The following ASXL2 variants were observed in gnomAD, a reference collection of about 807,000 sequenced individuals.
The protein encoded by ASXL2 is putative Polycomb group protein ASXL2.
A neutral mutation model predicts 122.0 loss-of-function variants in ASXL2; 23 were observed. The observed-to-expected ratio is 0.19, with a 90% CI of 0.14 to 0.27. The LOEUF (loss-of-function observed/expected upper bound fraction) is 0.27, where lower values mean the gene tolerates loss of function less well. Among genes scored for constraint, ASXL2 ranks in the 10% least tolerant of loss-of-function variants. The probability of loss-of-function intolerance (pLI) is 1.00; values close to 1 mark genes in which losing one functional copy is unlikely to be tolerated. For missense variants in ASXL2, 1,518 were observed against 1,713.8 expected (o/e 0.89, Z 2.02); for synonymous variants, 650 against 637.0 (o/e 1.02, Z -0.31).
rs1574398687 is a variant in ASXL2 at position 25,755,889 on chromosome 2, T to C, written c.1036+129A>G. ...AAAGTTTAACAACGTGTTCCACACA[T>C]GATGGTTAATTCTATCCTATGGAAA... On this transcript the variant is annotated intron_variant, in intron 10 of 12. Transcript: ENST00000435504. The C allele has an allele frequency of 1.2e-5, 9 of 777,960 alleles. No homozygotes were observed. The East Asian group carries it at 1.6e-4, about 14-fold the overall frequency. 48.2% of individuals were successfully genotyped at this position (777,960 alleles called of 1,614,324 possible).
intron 2 of ASXL2, among the ~76,000 whole-genome samples, chr2:25,841,649 C>T (rs554895992): frequency 6.6e-6 from 1 of 152,034 alleles, no homozygotes; most frequent in African/African-American, 2.4e-5. Flanking sequence ...GAGTTCGAGA[C>T]CAGCCTGGCC....
chr2:25,759,367 C>T (rs2088198070), intron 9 of ASXL2, 115 bp downstream of exon 9: 8 of 1,133,582 alleles, frequency 7.1e-6, no homozygotes, highest in Non-Finnish European at 7.2e-6. Context: ...AAAAAACCTG[C>T]CTATTAAGAA....
intron 9 of ASXL2, among the ~76,000 whole-genome samples, chr2:25,758,709 A>C (rs2088184439): frequency 6.8e-6 from 1 of 146,182 alleles, no homozygotes; most frequent in South Asian, 2.1e-4. Flanking sequence ...TATAATTTAC[A>C]TTGGGTTTTA....
chr2:25,867,663 A>G (rs2089921001), intron 1 of ASXL2, among the ~76,000 whole-genome samples: 1 of 152,218 alleles, frequency 6.6e-6, no homozygotes. Context: ...TTACTCCCAG[A>G]AAATACTTGT....
At chr2:25,829,285 C>CACAT (rs1553703469) in intron 3 of ASXL2, among the ~76,000 whole-genome samples, 6,359 of 150,020 alleles carry the variant, frequency 0.042, 204 homozygotes, top group African/African-American at 0.082. Flanking sequence ...GAGACACATA[C>CACAT]ACATACACAC....
chr2:25,836,746 T>C (rs1202781298), intron 2 of ASXL2, among the ~76,000 whole-genome samples: 1 of 152,198 alleles, frequency 6.6e-6, no homozygotes, highest in Admixed American at 6.5e-5. Context: ...CTTACTCACC[T>C]ATACTAATCT....
chr2:25,875,998 A>G (rs1203267033), intron 1 of ASXL2, among the ~76,000 whole-genome samples: 2 of 152,116 alleles, frequency 1.3e-5, no homozygotes, highest in African/African-American at 4.8e-5. Flanking sequence ...AAATATTTTG[A>G]ACACCGAGAT....
At chr2:25,875,801 A>C (rs955931833) in intron 1 of ASXL2, among the ~76,000 whole-genome samples, 2 of 152,200 alleles carry the variant, frequency 1.3e-5, no homozygotes, top group African/African-American at 4.8e-5. Flanking sequence ...CTAAGAAATA[A>C]GTTTAAGCCT....
chr2:25,874,409 A>G (rs1331149865), intron 1 of ASXL2, among the ~76,000 whole-genome samples: 1 of 152,100 alleles, frequency 6.6e-6, no homozygotes, highest in East Asian at 1.9e-4. Flanking sequence ...GGATTGCTTG[A>G]GCCTGGCAGG....
At chr2:25,877,943 G>T (rs1446620001) in intron 1 of ASXL2, among the ~76,000 whole-genome samples, 1 of 152,190 alleles carries the variant, frequency 6.6e-6, no homozygotes, top group African/African-American at 2.4e-5. Flanking sequence ...GAGAGGACTC[G>T]CCGCAGACGC....
chr2:25,793,927 A>G (rs2088873826), intron 5 of ASXL2, among the ~76,000 whole-genome samples: 1 of 152,310 alleles, frequency 6.6e-6, no homozygotes, highest in Admixed American at 6.5e-5. Flanking sequence ...CTTTAACACA[A>G]CACAGTGCTA....
At chr2:25,877,016 T>C (rs1480993071) in intron 1 of ASXL2, among the ~76,000 whole-genome samples, 1 of 151,864 alleles carries the variant, frequency 6.6e-6, no homozygotes, top group East Asian at 1.9e-4. Context: ...ATAAATGTGA[T>C]TTTTTTTAAA....
chr2:25,743,810 C>T lies in ASXL2; in HGVS notation c.2527G>A (p.Gly843Ser), dbSNP rs746628230. Residue 843 changes from glycine (G) to serine (S), a missense_variant, in exon 13 of 13, where the codon GGT (glycine) becomes AGT (serine). Gly to Ser is a moderately conservative substitution (Grantham distance 56). Around this residue, in one of 8 missense-constraint regions of ASXL2, gnomAD observed 831 missense variants for 833.1 expected, o/e 1.00. Transcript: ENST00000435504. Reference sequence around the variant, plus strand: ...GCTGCACAATGAACAGGTGAGGCACCTGAGATTAGAGCAGGACCTGTTGGA... The same window carrying T: ...GCTGCACAATGAACAGGTGAGGCACTTGAGATTAGAGCAGGACCTGTTGGA... ...PSPTGPALIS[G>S]ASPVHCAADG... 5.0e-6 allele frequency: 8 copies of T among 1,613,968 alleles called. No individual in the cohort carries two copies. Among genetic ancestry groups the T allele is most frequent in the Non-Finnish European group, 6.8e-6 (8 of 1,179,878 alleles).
Position 25,742,000 on chromosome 2 carries a change from C to G in ASXL2, c.*29G>C. The G allele has an allele frequency of 6.3e-7, 1 of 1,584,638 alleles. No individual in the cohort carries two copies. The highest frequency in any genetic ancestry group is 8.6e-7 in the Non-Finnish European group (1 of 1,161,240). Reference sequence around the variant, plus strand: ...ACTGGTCAACCCTTCCCTTCCCCCTCCTTTACAGTGTATCTCTTTCTAGTC... The same window carrying G: ...ACTGGTCAACCCTTCCCTTCCCCCTGCTTTACAGTGTATCTCTTTCTAGTC... On this transcript the variant is annotated 3_prime_UTR_variant, in exon 13 of 13. Transcript: ENST00000435504.
intron 2 of ASXL2, among the ~76,000 whole-genome samples, chr2:25,838,229 G>C (rs548832868): frequency 6.6e-6 from 1 of 152,216 alleles, no homozygotes; most frequent in Non-Finnish European, 1.5e-5. Context: ...CCCCAGCAGA[G>C]GGCTTTTCAG....
rs1399966396 is a variant in ASXL2, at chr2:25,739,985, T to C, written c.*2044A>G. 1 of 221,664 alleles carries C rather than the reference T, an allele frequency of 4.5e-6. No homozygotes were observed. The highest frequency in any genetic ancestry group is 9.0e-6 in the Non-Finnish European group (1 of 110,668). 13.7% of individuals were successfully genotyped at this position (221,664 alleles called of 1,614,324 possible). ...ACCCTTCCTGGATTGCCCAAGGTAC[T>C]GAATATTTGGGAGCACCATTATTTC... On this transcript the variant is annotated 3_prime_UTR_variant, in exon 13 of 13. Coordinates refer to ENST00000435504, the MANE Select transcript of ASXL2 (RefSeq NM_018263.6).
chr2:25,878,246 G>A lies in ASXL2; in HGVS notation c.-24C>T. ...ATGTCGGGTCTTGAACTGACTGGGAGGCTCCCGTGTCCGGGCTCCGGCCGC... is the reference window on the plus strand; with the variant it reads ...ATGTCGGGTCTTGAACTGACTGGGAAGCTCCCGTGTCCGGGCTCCGGCCGC... On this transcript the variant is annotated 5_prime_UTR_variant, in exon 1 of 13. Coordinates refer to ENST00000435504, the MANE Select transcript of ASXL2 (RefSeq NM_018263.6). 3.7e-6 allele frequency: 6 copies of A among 1,613,326 alleles called. No homozygotes were observed. The highest frequency in any genetic ancestry group is 5.1e-6 in the Non-Finnish European group (6 of 1,179,552).
In ASXL2 at chr2:25,874,231, G is replaced by A. The variant is rs561204409; in HGVS notation, c.57+3935C>T. Among the ~76,000 whole-genome samples, 78 of 152,220 alleles carry A rather than the reference G, an allele frequency of 5.1e-4. 1 individual carries two copies. The South Asian group carries it at 0.016, about 31-fold the overall frequency. Reference sequence around the variant, plus strand: ...GGGCCCCGCACAGTGGCTCATGCCTGTAATCCCATCACACTGGGAGGCAGA... The same window carrying A: ...GGGCCCCGCACAGTGGCTCATGCCTATAATCCCATCACACTGGGAGGCAGA... On this transcript the variant is annotated intron_variant, in intron 1 of 12. Coordinates refer to ENST00000435504, the MANE Select transcript of ASXL2 (RefSeq NM_018263.6).
At chr2:25,792,415 T>G (rs2088848919) in intron 5 of ASXL2, among the ~76,000 whole-genome samples, 1 of 150,696 alleles carries the variant, frequency 6.6e-6, no homozygotes, top group Admixed American at 6.6e-5. Context: ...CTCAACAGAT[T>G]AAAACAATTC....
Sources: gnomAD v4.1 joint callset for allele counts (sites outside exome capture counted in the v4.1 genomes callset) on GRCh38, gnomAD v4.1.1 for gene constraint, gnomAD v4.1.1 regional missense constraint, MANE v1.5 for transcripts, NCBI Gene and HGNC (gene_info 2026-07-23, HGNC 2026-07-21) for gene names.